The following KLHL2 variants were observed in gnomAD, a reference collection of about 807,000 sequenced individuals.
KLHL2 encodes kelch like family member 2.
A neutral mutation model predicts 75.8 loss-of-function variants in KLHL2; 15 were observed. That is an observed-to-expected ratio of 0.20 (90% CI 0.13 to 0.30). The LOEUF (loss-of-function observed/expected upper bound fraction) is 0.30, where lower values mean the gene tolerates loss of function less well. Among genes scored for constraint, KLHL2 ranks in the 10% least tolerant of loss-of-function variants. The probability of loss-of-function intolerance (pLI) is 1.00; values close to 1 mark genes in which losing one functional copy is unlikely to be tolerated. For missense variants in KLHL2, 381 were observed against 741.0 expected (o/e 0.51, Z 5.64); for synonymous variants, 214 against 251.9 (o/e 0.85, Z 1.42).
chr4:165,309,801 C>T (rs928757961), intron 9 of KLHL2, among the ~76,000 whole-genome samples: 6 of 152,192 alleles, frequency 3.9e-5, no homozygotes, highest in South Asian at 4.2e-4. Context: ...GTAAATTTGC[C>T]GACCCCTGAT....
At chr4:165,258,030 C>T (rs1513063) in intron 4 of KLHL2, among the ~76,000 whole-genome samples, 1 of 151,928 alleles carries the variant, frequency 6.6e-6, no homozygotes, top group Non-Finnish European at 1.5e-5. Flanking sequence ...ACTCAGGGTT[C>T]GGTTGATGGA....
At chr4:165,275,859 A>G (rs1275534191) in intron 5 of KLHL2, among the ~76,000 whole-genome samples, 7 of 152,048 alleles carry the variant, frequency 4.6e-5, no homozygotes, top group African/African-American at 7.3e-5. Context: ...GGTGGCCCAC[A>G]CCTGCAATCC....
intron 4 of KLHL2, among the ~76,000 whole-genome samples, chr4:165,261,249 T>C (rs1229096602): frequency 6.6e-6 from 1 of 152,260 alleles, no homozygotes; most frequent in Non-Finnish European, 1.5e-5. Context: ...ATTAAAGCCT[T>C]CTGTGGATAT....
At position 165,244,630 on chromosome 4, in the gene KLHL2, AAAAC is replaced by A. The variant is rs372742091; in HGVS notation, c.381+5755_381+5758del. 4.5e-3 allele frequency among the ~76,000 whole-genome samples: 683 copies of A among 151,656 alleles called. 3 individuals carry two copies. Among genetic ancestry groups the A allele is most frequent in the African/African-American group, 0.013 (545 of 41,082 alleles). On this transcript the variant is annotated intron_variant, in intron 4 of 14. Coordinates refer to ENST00000226725, the MANE Select transcript of KLHL2 (RefSeq NM_007246.4). ...ATAAGTACTCGGTCCTGGTGCTACA[AAAAC>A]AAACAAACAAACAAACAAACAAAAA...
chr4:165,304,726 C>A (rs1424622682), intron 8 of KLHL2, among the ~76,000 whole-genome samples: 1 of 152,182 alleles, frequency 6.6e-6, no homozygotes, highest in Non-Finnish European at 1.5e-5. Context: ...TTCTGATCAG[C>A]AGTAGCAGTT....
chr4:165,234,244 C>T (rs1739144228), intron 3 of KLHL2, among the ~76,000 whole-genome samples: 1 of 152,126 alleles, frequency 6.6e-6, no homozygotes, highest in Non-Finnish European at 1.5e-5. Context: ...GCCTGTGTGT[C>T]AGTAACTGCT....
intron 8 of KLHL2, among the ~76,000 whole-genome samples, chr4:165,301,836 T>G (rs1373776567): frequency 6.6e-6 from 1 of 152,224 alleles, no homozygotes; most frequent in East Asian, 1.9e-4. Flanking sequence ...CTTTCCTATA[T>G]TTAGCTATGC....
Position 165,299,742 on chromosome 4 carries a change from G to A in KLHL2, c.921+86G>A, listed in dbSNP as rs374290479. The A allele has an allele frequency of 6.1e-4, 741 of 1,208,684 alleles. 7 individuals are homozygous for A. Among genetic ancestry groups the A allele is most frequent in the Middle Eastern group, 4.6e-3 (23 of 4,980 alleles). 74.9% of individuals were successfully genotyped at this position (1,208,684 alleles called of 1,614,324 possible). On this transcript the variant is annotated intron_variant, in intron 8 of 14. Coordinates refer to ENST00000226725, the MANE Select transcript of KLHL2 (RefSeq NM_007246.4). ...TAGTATTTTGCTCATTTGAATTTCC[G>A]TGATTTATTGTTTTAGTTTTCCTTC...
At chr4:165,279,706 G>C (rs1441241892) in intron 5 of KLHL2, 32 of 1,318,892 alleles carry the variant, frequency 2.4e-5, no homozygotes, top group African/African-American at 1.6e-4. Context: ...GCGGCGGGAG[G>C]GGGAGGGGAG....
intron 5 of KLHL2, among the ~76,000 whole-genome samples, chr4:165,292,324 T>A (rs1165187319): frequency 1.4e-5 from 2 of 147,718 alleles, no homozygotes; most frequent in African/African-American, 2.5e-5. Flanking sequence ...TATAGTTATC[T>A]TGGGGTGAAC....
chr4:165,313,929 CT>C, intron 12 of KLHL2, 96 bp from the exon 13 acceptor site: 2 of 1,254,336 alleles, frequency 1.6e-6, no homozygotes, highest in South Asian at 3.4e-5. Context: ...TGAATTATAA[CT>C]TCGAAAGTTT....
intron 9 of KLHL2, among the ~76,000 whole-genome samples, chr4:165,310,298 C>T (rs1375607107): frequency 6.6e-6 from 1 of 152,110 alleles, no homozygotes; most frequent in East Asian, 1.9e-4. Context: ...GCACTCCAGC[C>T]TGGGCGACAG....
At chr4:165,261,666 G>C (rs1418940429) in intron 4 of KLHL2, among the ~76,000 whole-genome samples, 2 of 152,180 alleles carry the variant, frequency 1.3e-5, no homozygotes, top group Non-Finnish European at 2.9e-5. Flanking sequence ...GAAGGAAAAG[G>C]CCTTATGTCT....
Position 165,315,428 on chromosome 4 carries a change from C to G in KLHL2, c.1609+1262C>G, listed in dbSNP as rs80231495. 4.3e-3 allele frequency among the ~76,000 whole-genome samples: 649 copies of G among 152,214 alleles called. 1 individual carries two copies. The highest frequency in any genetic ancestry group is 6.8e-3 in the Non-Finnish European group (462 of 67,990). ...GTAAGTCTCTGTTGAAAAGTTGTTT[C>G]ATATTTTGATTTAGACAACATTACT... is the stretch of plus-strand genomic sequence containing the variant. On this transcript the variant is annotated intron_variant, in intron 13 of 14. Transcript: ENST00000226725.
chr4:165,229,147 G>A (rs1738686615), intron 3 of KLHL2, among the ~76,000 whole-genome samples: 1 of 152,126 alleles, frequency 6.6e-6, no homozygotes. Context: ...CTCCCTGTAA[G>A]TTATACTTAT....
At chr4:165,242,360 T>C (rs192781979) in intron 4 of KLHL2, among the ~76,000 whole-genome samples, 47 of 152,334 alleles carry the variant, frequency 3.1e-4, no homozygotes, top group African/African-American at 1.1e-3. Flanking sequence ...TGTCAACCCT[T>C]TTCTAAGGAA....
intron 1 of KLHL2, chr4:165,210,230 G>GGCAGAGACAGGCAT: frequency 2.0e-6 from 3 of 1,501,376 alleles, no homozygotes; most frequent in Non-Finnish European, 2.7e-6. Context: ...TTGAATGCCT[G>GGCAGAGACAGGCAT]TCTCTGCCTG....
At chr4:165,261,020 T>A (rs1309744002) in intron 4 of KLHL2, among the ~76,000 whole-genome samples, 1 of 152,218 alleles carries the variant, frequency 6.6e-6, no homozygotes, top group Non-Finnish European at 1.5e-5. Flanking sequence ...TATACTGTTT[T>A]CTCTAGGAAA....
chr4:165,279,105 A>T (rs1743423126), intron 5 of KLHL2: 5 of 1,587,926 alleles, frequency 3.1e-6, no homozygotes, highest in Non-Finnish European at 4.3e-6. Context: ...CAAATAAGCC[A>T]TGAATCAATA....
Sources: allele counts gnomAD v4.1 joint callset (sites outside exome capture counted in the v4.1 genomes callset), GRCh38; gene constraint gnomAD v4.1.1; transcripts MANE v1.5; gene names NCBI Gene and HGNC (gene_info 2026-07-23, HGNC 2026-07-21).